The following HEATR5A variants were observed in gnomAD, a reference collection of about 807,000 sequenced individuals.
HEATR5A encodes HEAT repeat-containing protein 5A.
A neutral mutation model predicts 218.8 loss-of-function variants in HEATR5A; 178 were observed. The observed-to-expected ratio is 0.81, with a 90% CI of 0.72 to 0.92. The LOEUF is 0.92. HEATR5A is among the 40% of genes least tolerant of loss of function. The pLI, the probability that HEATR5A is intolerant of heterozygous loss-of-function variation, is 0.00. For missense variants in HEATR5A, 2,420 were observed against 2,418.9 expected, an observed-to-expected ratio of 1.00 and a Z score of -0.01; for synonymous variants, 864 against 871.6, an observed-to-expected ratio of 0.99 and a Z score of 0.15.
chr14:31,323,709 A>C lies in HEATR5A; in HGVS notation c.3643T>G (p.Ser1215Ala). The change falls in exon 24 of 36, where the codon TCC becomes GCC. Residue 1215 changes from serine to alanine, a missense_variant. Transcript: ENST00000543095. Reference sequence around the variant, plus strand: ...CATCGGGGATTGGTAAAAGGATGGGATTTTTCATCACGTCTGGTGGTCAGG... The same window carrying C: ...CATCGGGGATTGGTAAAAGGATGGGCTTTTTCATCACGTCTGGTGGTCAGG... ...SVLTTRRDEK[S>A]HPFTNPRWAT... 6.2e-7 allele frequency: 1 copy of C among 1,613,628 alleles called. No homozygotes were observed. Among genetic ancestry groups the C allele is most frequent in the Non-Finnish European group, 8.5e-7 (1 of 1,179,740 alleles).
At chr14:31,350,490 A>T in intron 17 of HEATR5A, 122 bp downstream of exon 17, 1 of 625,114 alleles carries the variant, frequency 1.6e-6, no homozygotes. Context: ...CTTTTCATCA[A>T]GAGATTAAGA....
At chr14:31,315,652 GTTTAACC>G in intron 27 of HEATR5A, 111 bp downstream of exon 27, 1 of 702,742 alleles carries the variant, frequency 1.4e-6, no homozygotes, top group East Asian at 2.8e-5. Flanking sequence ...AATTCTTTTT[GTTTAACC>G]TTAAAAATGA....
At chr14:31,364,392 A>G (rs1901731286) in intron 13 of HEATR5A, 94 bp from the exon 14 acceptor site, 1 of 610,070 alleles carries the variant, frequency 1.6e-6, no homozygotes, top group Non-Finnish European at 2.8e-6. Flanking sequence ...TAAATTAGCT[A>G]TGTATTTTAT....
In HEATR5A at chr14:31,364,146, T is replaced by C. The variant is rs376945025; in HGVS notation, c.2071+43A>G. 8 of 787,386 alleles carry C rather than the reference T, an allele frequency of 1.0e-5. No individual in the cohort carries two copies. The Admixed American group carries it at 2.0e-4, about 19-fold the overall frequency. The allele number at this position is 787,386 out of a possible 1,614,324, so 48.8% of individuals were successfully genotyped here. A position where few individuals can be genotyped will look rare whatever the true frequency, so the allele number is the denominator to read the frequency against. ...ACAATAACTATTGTTCCAGAAACCA[T>C]ACTAGCCACAAACAAAAAAACATTT... On this transcript the variant is annotated intron_variant, in intron 14 of 35. Transcript: ENST00000543095.
chr14:31,308,982 T>C lies in HEATR5A; in HGVS notation c.4642A>G (p.Ile1548Val), dbSNP rs1361555820. 1.9e-6 allele frequency: 3 copies of C among 1,613,816 alleles called. No individual in the cohort carries two copies. Among genetic ancestry groups the C allele is most frequent in the Middle Eastern group, 1.6e-4 (1 of 6,062 alleles). ...GTGTAGACATCCTCAGGGGACTTTATGGTAGCCCCAGATGATGAACCCTGA... is the reference window on the plus strand; with the variant it reads ...GTGTAGACATCCTCAGGGGACTTTACGGTAGCCCCAGATGATGAACCCTGA... ...MCQGSSSGAT[I>V]KSPEDVYTDR... is the part of the protein sequence containing the mutation. The change falls in exon 29 of 36, where the codon ATA (isoleucine) becomes GTA (valine). Residue 1548 changes from isoleucine (I) to valine (V), a missense_variant. Ile to Val is a conservative substitution (Grantham distance 29, BLOSUM62 3). Coordinates refer to ENST00000543095, the MANE Select transcript of HEATR5A (RefSeq NM_015473.4).
chr14:31,330,502 T>A (rs1400267256), intron 22 of HEATR5A, among the ~76,000 whole-genome samples: 3 of 151,928 alleles, frequency 2.0e-5, no homozygotes, highest in Non-Finnish European at 4.4e-5. Flanking sequence ...AAGATTAACA[T>A]TCGAGGCCAG....
intron 25 of HEATR5A, chr14:31,320,479 C>A: frequency 7.3e-7 from 1 of 1,361,420 alleles, no homozygotes; most frequent in East Asian, 2.3e-5. Context: ...TCTGGAACTC[C>A]CGTCTGGCCA....
At chr14:31,385,436 T>C (rs2030178327) in intron 9 of HEATR5A, among the ~76,000 whole-genome samples, 1 of 152,096 alleles carries the variant, frequency 6.6e-6, no homozygotes, top group Admixed American at 6.6e-5. Context: ...GCCTAAAAAG[T>C]GATTTTTAAA....
At chr14:31,398,644 A>G (rs886174399) in intron 4 of HEATR5A, 29 bp downstream of exon 4, 8 of 1,231,402 alleles carry the variant, frequency 6.5e-6, no homozygotes, top group Non-Finnish European at 9.2e-6. Context: ...CTGTCTTTTC[A>G]TTCTTTGGCT....
chr14:31,389,222 T>TA (rs1157376299), intron 6 of HEATR5A, among the ~76,000 whole-genome samples: 1 of 152,220 alleles, frequency 6.6e-6, no homozygotes, highest in Admixed American at 6.5e-5. Flanking sequence ...AAAAACATCT[T>TA]AGAGACTATG....
intron 28 of HEATR5A, among the ~76,000 whole-genome samples, chr14:31,310,132 T>C (rs939915911): frequency 2.6e-5 from 4 of 152,180 alleles, no homozygotes; most frequent in African/African-American, 9.6e-5. Context: ...AATGTATGTA[T>C]TCATTAATAA....
intron 22 of HEATR5A, among the ~76,000 whole-genome samples, chr14:31,336,807 T>C (rs1900686801): frequency 6.6e-6 from 1 of 152,184 alleles, no homozygotes; most frequent in Admixed American, 6.5e-5. Flanking sequence ...CAAACTTTAG[T>C]ACAGTCATGC....
chr14:31,364,796 C>G (rs1172310136), intron 13 of HEATR5A, among the ~76,000 whole-genome samples: 3 of 152,136 alleles, frequency 2.0e-5, no homozygotes, highest in Non-Finnish European at 2.9e-5. Context: ...GTTCACCTTT[C>G]CTACTGGTGT....
chr14:31,389,598 C>T (rs878863870), intron 6 of HEATR5A, among the ~76,000 whole-genome samples: 1 of 152,068 alleles, frequency 6.6e-6, no homozygotes, highest in Admixed American at 6.6e-5. Flanking sequence ...TGTTTAAGAT[C>T]GACTTCAGTT....
chr14:31,318,113 A>C, intron 26 of HEATR5A, 111 bp downstream of exon 26: 1 of 835,766 alleles, frequency 1.2e-6, no homozygotes, highest in Non-Finnish European at 2.0e-6. Context: ...GAAAAGTGTA[A>C]GCTATGATTG....
intron 14 of HEATR5A, among the ~76,000 whole-genome samples, chr14:31,363,932 A>C (rs115843906): frequency 0.012 from 1,901 of 152,248 alleles, 24 homozygotes; most frequent in African/African-American, 0.037. Flanking sequence ...TGATTGCATA[A>C]CACTGCATAC....
intron 24 of HEATR5A, among the ~76,000 whole-genome samples, chr14:31,322,546 T>G (rs1900140253): frequency 1.3e-5 from 2 of 152,144 alleles, no homozygotes. Flanking sequence ...TGGACAGGTG[T>G]GGTGGCTAAT....
At chr14:31,399,725 G>A (rs766179182) in intron 3 of HEATR5A, among the ~76,000 whole-genome samples, 1 of 152,176 alleles carries the variant, frequency 6.6e-6, no homozygotes, top group Non-Finnish European at 1.5e-5. Flanking sequence ...AGCTACTTGG[G>A]AGGCTAAGAC....
At chr14:31,366,723 T>C (rs1216715931) in intron 13 of HEATR5A, among the ~76,000 whole-genome samples, 1 of 152,152 alleles carries the variant, frequency 6.6e-6, no homozygotes, top group East Asian at 1.9e-4. Flanking sequence ...AACCAGCCCC[T>C]ATGCCAATAA....
Sources: allele counts gnomAD v4.1 joint callset (sites outside exome capture counted in the v4.1 genomes callset), GRCh38; gene constraint gnomAD v4.1.1; transcripts MANE v1.5; gene names NCBI Gene and HGNC (gene_info 2026-07-23, HGNC 2026-07-21).